Variants in PCDH15 observed in about 807,000 individuals in gnomAD.
The protein encoded by PCDH15 is protocadherin-15.
A neutral mutation model predicts 178.5 loss-of-function variants in PCDH15; 129 were observed. That is an observed-to-expected ratio of 0.72 (90% CI 0.63 to 0.84). The LOEUF (loss-of-function observed/expected upper bound fraction) is 0.84. PCDH15 is among the 40% of genes least tolerant of loss of function. PCDH15 has a pLI of 0.00. For synonymous variants in PCDH15, 800 were observed against 732.0 expected (o/e 1.09, Z -1.50); for missense variants, 2,230 against 2,099.9 (o/e 1.06, Z -1.21).
At chr10:54,908,414 G>T (rs1209221334) in intron 2 of PCDH15, among the ~76,000 whole-genome samples, 3 of 152,232 alleles carry the variant, frequency 2.0e-5, no homozygotes, top group Non-Finnish European at 4.4e-5. Flanking sequence ...GAGACACCAG[G>T]AACTGCAGAG....
intron 2 of PCDH15, among the ~76,000 whole-genome samples, chr10:55,539,373 C>T (rs577843654): frequency 6.6e-6 from 1 of 151,986 alleles, no homozygotes; most frequent in South Asian, 2.1e-4. Context: ...TGATCATCAT[C>T]TTTTCTCAGA....
chr10:53,842,843 GCT>G (rs2077742640), intron 28 of PCDH15, among the ~76,000 whole-genome samples: 1 of 152,078 alleles, frequency 6.6e-6, no homozygotes, highest in South Asian at 2.1e-4. Context: ...GCAATAGATG[GCT>G]CTCTGTCCCA....
At chr10:54,161,759 T>A (rs1454568688) in intron 13 of PCDH15, among the ~76,000 whole-genome samples, 1 of 152,120 alleles carries the variant, frequency 6.6e-6, no homozygotes, top group Non-Finnish European at 1.5e-5. Context: ...TGGATTATGA[T>A]TCCAGTTTAC....
At chr10:53,990,018 G>A (rs1241948299) in intron 21 of PCDH15, among the ~76,000 whole-genome samples, 12 of 152,128 alleles carry the variant, frequency 7.9e-5, no homozygotes, top group South Asian at 2.1e-4. Context: ...AGCACCCTCC[G>A]CTAATAGATT....
At chr10:54,207,040 C>T (rs1218978411) in intron 10 of PCDH15, among the ~76,000 whole-genome samples, 1 of 152,078 alleles carries the variant, frequency 6.6e-6, no homozygotes, top group African/African-American at 2.4e-5. Context: ...GGATAAATTG[C>T]CTTTCTTCTT....
intron 9 of PCDH15, among the ~76,000 whole-genome samples, chr10:54,232,276 C>T (rs926039959): frequency 2.0e-5 from 3 of 152,154 alleles, no homozygotes; most frequent in Non-Finnish European, 4.4e-5. Flanking sequence ...CTTCTCTCTC[C>T]TGCTCTGGCC....
chr10:54,460,595 G>A (rs902535919), intron 3 of PCDH15, among the ~76,000 whole-genome samples: 8 of 152,130 alleles, frequency 5.3e-5, no homozygotes, highest in African/African-American at 1.7e-4. Flanking sequence ...AAGATTAAAA[G>A]AGAAGCCTTG....
chr10:55,411,910 A>C (rs1003685867), intron 2 of PCDH15, among the ~76,000 whole-genome samples: 8 of 152,130 alleles, frequency 5.3e-5, no homozygotes, highest in African/African-American at 1.9e-4. Flanking sequence ...ATAGACATAT[A>C]AATGATAGAT....
intron 1 of PCDH15, among the ~76,000 whole-genome samples, chr10:55,234,437 C>T (rs1407707299): frequency 6.6e-6 from 1 of 151,520 alleles, no homozygotes. Context: ...GACAGGGTCT[C>T]ACTCTCACTC....
intron 3 of PCDH15, among the ~76,000 whole-genome samples, chr10:54,861,583 C>T (rs948996355): frequency 6.6e-6 from 1 of 152,116 alleles, no homozygotes; most frequent in Non-Finnish European, 1.5e-5. Flanking sequence ...AAATCCACAA[C>T]CAACATCATA....
intron 1 of PCDH15, among the ~76,000 whole-genome samples, chr10:55,284,352 G>A (rs183608640): frequency 1.2e-4 from 19 of 152,100 alleles, no homozygotes; most frequent in African/African-American, 3.6e-4. Flanking sequence ...TTCTCAACAG[G>A]AAATAAAGGT....
rs935846238 is a variant in PCDH15 at position 54,047,849 on chromosome 10, C to T, written c.2220+18908G>A. On this transcript the variant is annotated intron_variant, in intron 18 of 37. Coordinates refer to ENST00000644397, the MANE Select transcript of PCDH15 (RefSeq NM_001384140.1). The stretch of plus-strand genomic sequence containing the variant: ...CATCTAGGTTAATTCCATAAGTTTG[C>T]GATTGTAGGTAGTGCTGTCATGAAA... Among the ~76,000 whole-genome samples the T allele has an allele frequency of 6.6e-5, 10 of 151,988 alleles. No individual in the cohort carries two copies. In the East Asian group the frequency reaches 7.7e-4, roughly 12 times the overall value.
chr10:55,224,839 C>T (rs1465660117), intron 1 of PCDH15, among the ~76,000 whole-genome samples: 5 of 151,936 alleles, frequency 3.3e-5, no homozygotes, highest in Non-Finnish European at 7.4e-5. Context: ...TTTACCTTTC[C>T]ATTCTCACTT....
intron 2 of PCDH15, among the ~76,000 whole-genome samples, chr10:54,559,178 CAT>C (rs1254164121): frequency 2.0e-5 from 3 of 151,986 alleles, no homozygotes; most frequent in Admixed American, 6.6e-5. Context: ...AAATATGTAA[CAT>C]ATGAGAATTA....
chr10:54,259,218 G>C (rs535345619), intron 8 of PCDH15, among the ~76,000 whole-genome samples: 1 of 152,320 alleles, frequency 6.6e-6, no homozygotes, highest in African/African-American at 2.4e-5. Context: ...CCACAGCCTT[G>C]AAAAGAAAAT....
intron 1 of PCDH15, among the ~76,000 whole-genome samples, chr10:55,240,395 C>T (rs748767515): frequency 6.6e-6 from 1 of 152,052 alleles, no homozygotes; most frequent in Non-Finnish European, 1.5e-5. Flanking sequence ...AAATTATTGT[C>T]CATTTAAAAA....
At chr10:54,734,109 A>G (rs1943761497) in intron 1 of PCDH15, among the ~76,000 whole-genome samples, 1 of 151,824 alleles carries the variant, frequency 6.6e-6, no homozygotes, top group Non-Finnish European at 1.5e-5. Context: ...CTCTGCCAAA[A>G]AACATATTTA....
chr10:54,013,075 G>T (rs1179874446), intron 20 of PCDH15, among the ~76,000 whole-genome samples: 1 of 151,888 alleles, frequency 6.6e-6, no homozygotes, highest in East Asian at 1.9e-4. Context: ...AGTCCACCAA[G>T]AAAACAGAAA....
intron 23 of PCDH15, among the ~76,000 whole-genome samples, chr10:53,950,313 A>G (rs1313399681): frequency 1.3e-5 from 2 of 152,088 alleles, no homozygotes; most frequent in African/African-American, 4.8e-5. Context: ...ATACCAGTAT[A>G]AATTTTGAAT....
Sources: gnomAD v4.1 joint callset for allele counts (sites outside exome capture counted in the v4.1 genomes callset) on GRCh38, gnomAD v4.1.1 for gene constraint, MANE v1.5 for transcripts, NCBI Gene and HGNC (gene_info 2026-07-23, HGNC 2026-07-21) for gene names.